Variants in EFL1 observed in about 807,000 individuals in gnomAD.
The protein encoded by EFL1 is elongation factor like GTPase 1.
EFL1 carries 76 observed loss-of-function variants against 126.7 expected under a neutral mutation model. That is an observed-to-expected ratio of 0.60 (90% confidence interval 0.50 to 0.73). The LOEUF (loss-of-function observed/expected upper bound fraction) is 0.73. Among genes scored for constraint, EFL1 ranks in the 30% least tolerant of loss-of-function variants. The pLI is 0.00. For synonymous variants in EFL1, 410 were observed against 448.4 expected (o/e 0.91, Z 1.08); for missense variants, 1,128 against 1,343.2 (o/e 0.84, Z 2.50).
intron 17 of EFL1, 39 bp from the exon 18 acceptor site, chr15:82,152,462 T>C: frequency 2.6e-6 from 4 of 1,519,916 alleles, no homozygotes; most frequent in Non-Finnish European, 3.5e-6. Flanking sequence ...AAGGTTAAAA[T>C]CAAAATAGCA....
intron 4 of EFL1, among the ~76,000 whole-genome samples, chr15:82,251,349 CA>C (rs1436025774): frequency 6.6e-6 from 1 of 152,072 alleles, no homozygotes; most frequent in Admixed American, 6.6e-5. Flanking sequence ...AATACTACAC[CA>C]GAAAGATAAA....
chr15:82,178,277 C>T (rs976604785), intron 15 of EFL1, among the ~76,000 whole-genome samples: 1 of 152,186 alleles, frequency 6.6e-6, no homozygotes, highest in Non-Finnish European at 1.5e-5. Context: ...TAATAACCAC[C>T]AAATCACACT....
chr15:82,188,963 C>CA (rs2074329955), intron 15 of EFL1, among the ~76,000 whole-genome samples: 1 of 142,092 alleles, frequency 7.0e-6, no homozygotes, highest in African/African-American at 2.6e-5. Context: ...TCTACAAATA[C>CA]AGTCATGCAT....
At chr15:82,155,251 C>T (rs1333591529) in intron 17 of EFL1, among the ~76,000 whole-genome samples, 1 of 152,010 alleles carries the variant, frequency 6.6e-6, no homozygotes, top group Admixed American at 6.6e-5. Flanking sequence ...TCTGTAATCC[C>T]AGCACTTTGG....
intron 15 of EFL1, among the ~76,000 whole-genome samples, chr15:82,200,780 G>T (rs1813013035): frequency 6.6e-6 from 1 of 152,166 alleles, no homozygotes; most frequent in African/African-American, 2.4e-5. Flanking sequence ...TTCAGACCAA[G>T]AAAGTATTTT....
At chr15:82,191,736 C>T (rs1390710872) in intron 15 of EFL1, among the ~76,000 whole-genome samples, 1 of 152,150 alleles carries the variant, frequency 6.6e-6, no homozygotes, top group Non-Finnish European at 1.5e-5. Context: ...CAGTTTTTCA[C>T]TCAGGGCCAT....
At chr15:82,186,184 C>CA (rs2074301714) in intron 15 of EFL1, among the ~76,000 whole-genome samples, 2 of 151,878 alleles carry the variant, frequency 1.3e-5, no homozygotes, top group South Asian at 2.1e-4. Flanking sequence ...TTTTTATACT[C>CA]AGAGTTTTGG....
intron 15 of EFL1, among the ~76,000 whole-genome samples, 198 bp downstream of exon 15, chr15:82,214,519 A>G (rs568550130): frequency 5.3e-5 from 8 of 152,324 alleles, no homozygotes; most frequent in Non-Finnish European, 8.8e-5. Context: ...CATTTTTAAA[A>G]CAGAGCGACT....
At chr15:82,152,460 A>C in intron 17 of EFL1, 37 bp from the exon 18 acceptor site, 1 of 1,528,216 alleles carries the variant, frequency 6.5e-7, no homozygotes. Context: ...AGAAGGTTAA[A>C]ATCAAAATAG....
intron 12 of EFL1, among the ~76,000 whole-genome samples, chr15:82,222,133 T>C (rs542192808): frequency 5.4e-4 from 82 of 152,348 alleles, no homozygotes; most frequent in African/African-American, 1.4e-3. Flanking sequence ...TAAAGAGAAA[T>C]GGTCTCTTCC....
At position 82,240,543 on chromosome 15, in the gene EFL1, G is replaced by C; in HGVS notation, c.391C>G (p.Leu131Val). The C allele has an allele frequency of 6.2e-7, 1 of 1,613,652 alleles. No individual in the cohort carries two copies. Among genetic ancestry groups the C allele is most frequent in the South Asian group, 1.1e-5 (1 of 90,902 alleles). ...ATGTTTTCAAGCCAAGCTTGTCGCA[G>C]AACTGCCTGTGTCTGATAAAAACAG... ...EGVCPQTQAV[L>V]RQAWLENIRP... Residue 131 changes from leucine (L) to valine (V), a missense_variant, in exon 6 of 20, where the codon CTG becomes GTG. This residue lies in a region of EFL1 where 118 missense variants were observed against 188.1 expected (regional missense o/e 0.63). Transcript: ENST00000268206.
chr15:82,183,355 T>C (rs887228234), intron 15 of EFL1, among the ~76,000 whole-genome samples: 1 of 152,220 alleles, frequency 6.6e-6, no homozygotes. Context: ...AAGTTTGTTT[T>C]TTAGCAGGCA....
chr15:82,237,559 G>A (rs2074886243), intron 7 of EFL1, among the ~76,000 whole-genome samples: 1 of 152,344 alleles, frequency 6.6e-6, no homozygotes, highest in East Asian at 1.9e-4. Context: ...CACTGCTGGT[G>A]AGAATATAAA....
At chr15:82,217,702 G>T (rs1483544906) in intron 14 of EFL1, among the ~76,000 whole-genome samples, 1 of 152,178 alleles carries the variant, frequency 6.6e-6, no homozygotes, top group Non-Finnish European at 1.5e-5. Flanking sequence ...CTCCCATGAT[G>T]CCTGCTTCCC....
chr15:82,210,690 C>T (rs2074574566), intron 15 of EFL1, among the ~76,000 whole-genome samples: 1 of 151,882 alleles, frequency 6.6e-6, no homozygotes, highest in Admixed American at 6.6e-5. Context: ...GGTGAAACCC[C>T]ATCTCTACTA....
chr15:82,246,702 G>C (rs1015857101), intron 4 of EFL1, among the ~76,000 whole-genome samples: 2 of 152,082 alleles, frequency 1.3e-5, no homozygotes, highest in African/African-American at 2.4e-5. Context: ...GCCAGTGACA[G>C]GAGGCAAGCA....
At chr15:82,211,585 A>C (rs1180193105) in intron 15 of EFL1, among the ~76,000 whole-genome samples, 2 of 56,340 alleles carry the variant, frequency 3.5e-5, no homozygotes. Flanking sequence ...CACACACTAG[A>C]CACATACTAG....
chr15:82,238,618 T>C (rs1257696577), intron 6 of EFL1, 97 bp from the exon 7 acceptor site: 36 of 1,113,332 alleles, frequency 3.2e-5, no homozygotes, highest in African/African-American at 7.9e-5. Context: ...CTAGAATCAT[T>C]AGTCAGTTTG....
At chr15:82,176,767 C>T (rs1219131357) in intron 15 of EFL1, among the ~76,000 whole-genome samples, 2 of 152,136 alleles carry the variant, frequency 1.3e-5, no homozygotes, top group African/African-American at 4.8e-5. Flanking sequence ...CTCTATGACC[C>T]AATAATTTCT....
Sources: allele counts gnomAD v4.1 joint callset (sites outside exome capture counted in the v4.1 genomes callset), GRCh38; gene constraint gnomAD v4.1.1; regional missense constraint gnomAD v4.1.1; transcripts MANE v1.5; gene names NCBI Gene and HGNC (gene_info 2026-07-23, HGNC 2026-07-21).